Variants in DTX2 observed in about 807,000 individuals in gnomAD.
DTX2 encodes the protein probable E3 ubiquitin-protein ligase DTX2.
Under a neutral mutation model 55.3 loss-of-function variants are expected in DTX2, and 29 were observed. The ratio of observed to expected loss-of-function variants is 0.52; its 90% CI spans 0.39 to 0.71. The LOEUF is 0.71. Among genes scored for constraint, DTX2 ranks in the 30% least tolerant of loss-of-function variants. The pLI, the probability that DTX2 is intolerant of heterozygous loss-of-function variation, is 0.00. For synonymous variants in DTX2, 276 were observed against 340.4 expected (o/e 0.81, Z 2.08); for missense variants, 537 against 822.5 (o/e 0.65, Z 4.25).
At chr7:76,475,738 T>C (rs1309808418) in intron 2 of DTX2, among the ~76,000 whole-genome samples, 1 of 149,042 alleles carries the variant, frequency 6.7e-6, no homozygotes, top group African/African-American at 2.5e-5. Flanking sequence ...CCAGTGACAT[T>C]TTAGTGTTGT....
In DTX2 at chr7:76,502,332, C is replaced by G. The variant is rs148587797; in HGVS notation, c.1265C>G (p.Ala422Gly). 3.1e-6 allele frequency: 5 copies of G among 1,608,078 alleles called. No homozygotes were observed. The South Asian group carries it at 5.5e-5, about 18-fold the overall frequency. Reference protein sequence around the residue: ...CIICMEKLSTASGYSDVTDSK... With the variant: ...CIICMEKLSTGSGYSDVTDSK... ...ATCTGCATGGAGAAGCTGTCCACAG[C>G]GTCTGGATACAGCGATGTGACTGAC... The change falls in exon 8 of 11, where the codon GCG becomes GGG. Residue 422 changes from alanine to glycine, a missense_variant. Ala to Gly is a moderately conservative substitution (Grantham distance 60, BLOSUM62 0). Around this residue, in one of 7 missense-constraint regions of DTX2, gnomAD observed 121 missense variants for 136.8 expected, o/e 0.88. Coordinates refer to ENST00000430490, the MANE Select transcript of DTX2 (RefSeq NM_001102594.3).
chr7:76,463,410 C>G (rs1806824224), intron 1 of DTX2, 135 bp from the exon 2 acceptor site: 1 of 152,322 alleles, frequency 6.6e-6, no homozygotes, highest in Non-Finnish European at 1.5e-5. Context: ...CCTGCTCCAC[C>G]CAGGCTATTG....
rs1243382320 is a variant in DTX2 at position 76,494,237 on chromosome 7, C to T, written c.1009+1984C>T. 1.0e-3 allele frequency among the ~76,000 whole-genome samples: 85 copies of T among 84,284 alleles called. 1 individual carries two copies. The East Asian group carries it at 0.012, about 12-fold the overall frequency. The allele number at this position is 84,284 out of a possible 152,430, so 55.3% of individuals were successfully genotyped here. A position where few individuals can be genotyped will look rare whatever the true frequency, so the allele number is the denominator to read the frequency against. ...CAGGACTGAAGAGAAAATGAAGGAG[C>T]GGCCAGAGAGGTGGGGGCAGGAGGG... is the stretch of plus-strand genomic sequence containing the variant. On this transcript the variant is annotated intron_variant, in intron 5 of 10. Coordinates refer to ENST00000430490, the MANE Select transcript of DTX2 (RefSeq NM_001102594.3).
intron 2 of DTX2, among the ~76,000 whole-genome samples, chr7:76,476,683 T>C (rs1808579395): frequency 6.6e-6 from 1 of 150,774 alleles, no homozygotes; most frequent in Admixed American, 6.6e-5. Context: ...TGGGGGCTGG[T>C]ATAGAGGGAG....
rs764351511 is a variant in DTX2 at position 76,482,976 on chromosome 7, C to T, written c.737C>T (p.Pro246Leu). ...TTTGGGACCCACCAGGCCTTTGCAC[C>T]GTACAACAAACCCTCACTCTCCGGG... is the stretch of plus-strand genomic sequence containing the variant. ...SVFGTHQAFAPYNKPSLSGAR... is the reference protein window; with the variant it reads ...SVFGTHQAFALYNKPSLSGAR... The change falls in exon 4 of 11, where the codon CCG becomes CTG. Residue 246 changes from proline (P) to leucine (L), a missense_variant. By Grantham distance (98) the Pro-to-Leu change is moderately conservative (BLOSUM62 -3). Around this residue, in one of 7 missense-constraint regions of DTX2, gnomAD observed 301 missense variants for 396.6 expected, o/e 0.76. Transcript: ENST00000430490. 1.9e-5 allele frequency: 31 copies of T among 1,613,654 alleles called. No homozygotes were observed. The East Asian group carries it at 4.5e-4, about 23-fold the overall frequency.
chr7:76,480,795 T>C lies in DTX2; in HGVS notation c.268+18T>C. ...GGACACCGGTAAGACGCTGTCTGCC[T>C]CTCGCACATATCTGGGTGCCGCACC... On this transcript the variant is annotated intron_variant, in intron 3 of 10. Transcript: ENST00000430490. 6.4e-7 allele frequency: 1 copy of C among 1,571,030 alleles called. No individual in the cohort carries two copies. Among genetic ancestry groups the C allele is most frequent in the Non-Finnish European group, 8.6e-7 (1 of 1,157,786 alleles).
At chr7:76,489,980 G>A (rs1188300085) in intron 4 of DTX2, among the ~76,000 whole-genome samples, 1 of 116,558 alleles carries the variant, frequency 8.6e-6, no homozygotes, top group Non-Finnish European at 1.8e-5. Context: ...CCCTCATCTG[G>A]CTTCTGACAT....
At chr7:76,501,340 C>T (rs951373858) in intron 7 of DTX2, 10 of 453,364 alleles carry the variant, frequency 2.2e-5, no homozygotes, top group East Asian at 7.0e-5. Context: ...TCATGTGTCC[C>T]ACCCCTTCCA....
In DTX2 at chr7:76,505,365, C is replaced by T; in HGVS notation, c.1642-9C>T. The T allele has an allele frequency of 2.6e-6, 4 of 1,563,990 alleles. No homozygotes were observed. The highest frequency in any genetic ancestry group is 3.5e-6 in the Non-Finnish European group (4 of 1,154,368). ...CTCCTTCCTCTTCCCCCTCCTCCTC[C>T]CCGGGCAGGTCCTAGAGCTCCTGAA... On this transcript the variant is annotated splice_polypyrimidine_tract_variant and intron_variant, in intron 10 of 10. Transcript: ENST00000430490. The surrounding 1 kb of genome is among the most constrained non-coding windows in gnomAD (Gnocchi z 4.4).
At chr7:76,494,648 C>T (rs1810725617) in intron 5 of DTX2, among the ~76,000 whole-genome samples, 1 of 107,470 alleles carries the variant, frequency 9.3e-6, no homozygotes, top group Non-Finnish European at 2.0e-5. Flanking sequence ...CCCCGTTGCT[C>T]TCAGAGCAAT....
intron 6 of DTX2, chr7:76,499,684 C>A (rs1308311202): frequency 1.9e-5 from 3 of 156,080 alleles, no homozygotes; most frequent in African/African-American, 7.4e-5. Flanking sequence ...CTAGAGAACG[C>A]CCCGGGCCGC....
Position 76,480,410 on chromosome 7 carries a change from C to G in DTX2, c.-89-11C>G, listed in dbSNP as rs1301241168. 21 of 1,310,192 alleles carry G rather than the reference C, an allele frequency of 1.6e-5. No homozygotes were observed. Among genetic ancestry groups the G allele is most frequent in the Non-Finnish European group, 2.2e-5 (21 of 967,428 alleles). The allele number at this position is 1,310,192 out of a possible 1,614,324, so 81.2% of individuals were successfully genotyped here. A position where few individuals can be genotyped will look rare whatever the true frequency, so the allele number is the denominator to read the frequency against. On this transcript the variant is annotated splice_polypyrimidine_tract_variant and intron_variant, in intron 2 of 10. Transcript: ENST00000430490. ...TGCATTGGTAACTGCTCATGTCTGTCCTGTTCACAGATCTGCCGGAGGCGC... is the reference window on the plus strand; with the variant it reads ...TGCATTGGTAACTGCTCATGTCTGTGCTGTTCACAGATCTGCCGGAGGCGC...
intron 3 of DTX2, among the ~76,000 whole-genome samples, chr7:76,481,999 T>C (rs911067993): frequency 2.6e-5 from 4 of 152,070 alleles, no homozygotes; most frequent in Non-Finnish European, 5.9e-5. Context: ...TGCCCAGCCC[T>C]GGAAACTATG....
At position 76,471,328 on chromosome 7, in the gene DTX2, A is replaced by AT. The variant is rs1439786606; in HGVS notation, c.-90+7625dup. On this transcript the variant is annotated intron_variant, in intron 2 of 10. Transcript: ENST00000430490. Reference sequence around the variant, plus strand: ...AGGCACCCGCCACCGCGCCCGGCTAATTTTTTGTATTTTTAGTAGAGACAG... The same window carrying AT: ...AGGCACCCGCCACCGCGCCCGGCTAATTTTTTTGTATTTTTAGTAGAGACAG... Among the ~76,000 whole-genome samples the AT allele has an allele frequency of 4.7e-5, 7 of 148,144 alleles. No individual in the cohort carries two copies. In the Admixed American group the frequency reaches 4.8e-4, roughly 10 times the overall value.
intron 2 of DTX2, among the ~76,000 whole-genome samples, chr7:76,471,313 C>T (rs1807871429): frequency 6.8e-6 from 1 of 147,688 alleles, no homozygotes; most frequent in Non-Finnish European, 1.5e-5. Flanking sequence ...AGGCACCCGC[C>T]ACCGCGCCCG....
rs1812186249 is a variant in DTX2 at position 76,505,051 on chromosome 7, A to G, written c.1642-323A>G. On this transcript the variant is annotated intron_variant, in intron 10 of 10. Transcript: ENST00000430490. The surrounding 1 kb of genome is among the most constrained non-coding windows in gnomAD (Gnocchi z 4.4). ...CAGGGAGGCCTGGATTCCACCAGGG[A>G]GGGTGGGTGGGCGGGCGCTCGTCCA... Among the ~76,000 whole-genome samples, 1 of 1,664 alleles carries G rather than the reference A, an allele frequency of 6.0e-4. No individual in the cohort carries two copies. Among genetic ancestry groups the G allele is most frequent in the Non-Finnish European group, 1.2e-3 (1 of 846 alleles). The allele number at this position is 1,664 out of a possible 152,430, so 1.1% of individuals were successfully genotyped here.
Position 76,503,485 on chromosome 7 carries a change from G to T in DTX2, c.1449G>T (p.Gln483His). Residue 483 changes from glutamine (Q) to histidine (H), a missense_variant, in exon 9 of 11, where the codon CAG (glutamine) becomes CAT (histidine). Gln to His is a conservative substitution (Grantham distance 24, BLOSUM62 0). Coordinates refer to ENST00000430490, the MANE Select transcript of DTX2 (RefSeq NM_001102594.3). ...KTIYGEKTGTQPQGKMEVLRF... is the reference protein window; with the variant it reads ...KTIYGEKTGTHPQGKMEVLRF... Reference sequence around the variant, plus strand: ...TCTATGGAGAGAAGACGGGGACCCAGCCCCAGGGAAAGATGGAGGTATTAC... The same window carrying T: ...TCTATGGAGAGAAGACGGGGACCCATCCCCAGGGAAAGATGGAGGTATTAC... 1.2e-6 allele frequency: 2 copies of T among 1,613,046 alleles called. No homozygotes were observed. The highest frequency in any genetic ancestry group is 1.7e-6 in the Non-Finnish European group (2 of 1,179,954).
rs555314149 is a variant in DTX2, at chr7:76,495,081, C to T, written c.1010-2256C>T. 1.8e-3 allele frequency among the ~76,000 whole-genome samples: 262 copies of T among 148,644 alleles called. 2 individuals are homozygous for T. The highest frequency in any genetic ancestry group is 2.9e-3 in the Non-Finnish European group (196 of 67,150). ...CCCCTGGCTGTGGCATAGCCCAGTCCCTCTATCGGGTGGGGGCAGGGACTG... is the reference window on the plus strand; with the variant it reads ...CCCCTGGCTGTGGCATAGCCCAGTCTCTCTATCGGGTGGGGGCAGGGACTG... On this transcript the variant is annotated intron_variant, in intron 5 of 10. Coordinates refer to ENST00000430490, the MANE Select transcript of DTX2 (RefSeq NM_001102594.3).
At chr7:76,490,237 A>G (rs1810273378) in intron 4 of DTX2, among the ~76,000 whole-genome samples, 1 of 84,844 alleles carries the variant, frequency 1.2e-5, no homozygotes, top group Non-Finnish European at 2.4e-5. Flanking sequence ...GAGGCAGGAG[A>G]ATCGCTTGAA....
Sources: allele counts gnomAD v4.1 joint callset (sites outside exome capture counted in the v4.1 genomes callset), GRCh38; gene constraint gnomAD v4.1.1; regional missense constraint gnomAD v4.1.1; non-coding constraint Gnocchi (gnomAD v3.1); transcripts MANE v1.5; gene names NCBI Gene and HGNC (gene_info 2026-07-23, HGNC 2026-07-21).